The following CARMIL1 variants were observed in gnomAD, a reference collection of about 807,000 sequenced individuals.
CARMIL1 encodes the protein F-actin-uncapping protein LRRC16A.
CARMIL1 carries 90 observed loss-of-function variants against 177.1 expected under a neutral mutation model. The ratio of observed to expected loss-of-function variants is 0.51; its 90% CI spans 0.43 to 0.61. CARMIL1 has a LOEUF of 0.61. Among genes scored for constraint, CARMIL1 ranks in the 20% least tolerant of loss-of-function variants. The pLI, the probability that CARMIL1 is intolerant of heterozygous loss-of-function variation, is 0.00. For synonymous variants in CARMIL1, 577 were observed against 606.2 expected, an observed-to-expected ratio of 0.95 and a Z score of 0.71; for missense variants, 1,380 against 1,667.0, an observed-to-expected ratio of 0.83 and a Z score of 3.00.
chr6:25,604,723 T>G, intron 33 of CARMIL1, 89 bp from the exon 34 acceptor site: 1 of 1,035,754 alleles, frequency 9.7e-7, no homozygotes, highest in Non-Finnish European at 1.5e-6. Context: ...AGAGCCCTTC[T>G]TTGCTGTCAT....
At chr6:25,421,930 T>G (rs1795896562) in intron 3 of CARMIL1, among the ~76,000 whole-genome samples, 1 of 148,682 alleles carries the variant, frequency 6.7e-6, no homozygotes. Context: ...AAATGACGAG[T>G]TAATGGGTGC....
At chr6:25,573,571 C>T (rs114831877) in intron 29 of CARMIL1, among the ~76,000 whole-genome samples, 2,489 of 75,062 alleles carry the variant, frequency 0.033, 61 homozygotes, top group African/African-American at 0.095. Context: ...AATAAGAAAA[C>T]GGAGGGTTTA....
intron 2 of CARMIL1, among the ~76,000 whole-genome samples, chr6:25,292,540 C>T (rs1003015679): frequency 2.0e-5 from 3 of 152,066 alleles, no homozygotes; most frequent in African/African-American, 2.4e-5. Flanking sequence ...CCTGGGTGTG[C>T]GTTTTCAGGA....
intron 2 of CARMIL1, among the ~76,000 whole-genome samples, chr6:25,323,548 G>A (rs1011187398): frequency 5.3e-5 from 8 of 151,974 alleles, no homozygotes; most frequent in African/African-American, 1.9e-4. Context: ...GTTTGAGGCT[G>A]CCATGAGCTA....
At chr6:25,293,038 G>A (rs907651838) in intron 2 of CARMIL1, among the ~76,000 whole-genome samples, 1 of 151,854 alleles carries the variant, frequency 6.6e-6, no homozygotes, top group Non-Finnish European at 1.5e-5. Flanking sequence ...GAAAAATGTA[G>A]CTACAATCTG....
chr6:25,377,185 G>A (rs1791074315), intron 2 of CARMIL1, among the ~76,000 whole-genome samples: 1 of 152,208 alleles, frequency 6.6e-6, no homozygotes. Flanking sequence ...CCTCAGCTAT[G>A]TCGATAGTGG....
intron 2 of CARMIL1, among the ~76,000 whole-genome samples, chr6:25,347,658 G>C (rs1787658491): frequency 6.6e-6 from 1 of 152,174 alleles, no homozygotes; most frequent in Admixed American, 6.5e-5. Context: ...AGGTAGTTTA[G>C]AAAGTTCCCA....
At chr6:25,411,208 C>T (rs912717572) in intron 2 of CARMIL1, among the ~76,000 whole-genome samples, 3 of 152,052 alleles carry the variant, frequency 2.0e-5, no homozygotes, top group Non-Finnish European at 2.9e-5. Flanking sequence ...CCTGTGAGTC[C>T]CCTGCTGTCT....
intron 9 of CARMIL1, among the ~76,000 whole-genome samples, chr6:25,467,637 AC>A (rs1800736005): frequency 6.6e-6 from 1 of 152,158 alleles, no homozygotes; most frequent in Admixed American, 6.5e-5. Context: ...TAAAATATGT[AC>A]CTAATCATTT....
chr6:25,603,436 C>T (rs1815628544), intron 33 of CARMIL1, among the ~76,000 whole-genome samples: 1 of 152,336 alleles, frequency 6.6e-6, no homozygotes, highest in Non-Finnish European at 1.5e-5. Flanking sequence ...CTTCCTGCCA[C>T]TTGGGTGCTT....
intron 29 of CARMIL1, 146 bp downstream of exon 29, chr6:25,556,996 A>T: frequency 6.0e-6 from 5 of 830,518 alleles, no homozygotes. Context: ...AAAAGTCCTA[A>T]AGAGGCCGCT....
chr6:25,511,623 C>T (rs941264872), intron 20 of CARMIL1, among the ~76,000 whole-genome samples: 2 of 152,112 alleles, frequency 1.3e-5, no homozygotes, highest in African/African-American at 4.8e-5. Flanking sequence ...TGGAGTATGT[C>T]ACATTTGGAA....
intron 2 of CARMIL1, among the ~76,000 whole-genome samples, chr6:25,361,156 C>T (rs1348878546): frequency 6.6e-6 from 1 of 152,082 alleles, no homozygotes. Context: ...AAGTTTCGCT[C>T]AAATCTTGTT....
chr6:25,436,119 G>A (rs866637596), intron 5 of CARMIL1, among the ~76,000 whole-genome samples: 8 of 151,910 alleles, frequency 5.3e-5, no homozygotes, highest in South Asian at 4.1e-4. Flanking sequence ...AGTAAATTTC[G>A]TTCATCCATG....
At chr6:25,292,969 G>A (rs2150148466) in intron 2 of CARMIL1, among the ~76,000 whole-genome samples, 1 of 152,222 alleles carries the variant, frequency 6.6e-6, no homozygotes, top group South Asian at 2.1e-4. Flanking sequence ...AAAGGTTACT[G>A]TAAAAACTTT....
rs1277812968 is a variant in CARMIL1, at chr6:25,577,966, C to T, written c.2743-2958C>T. 2.0e-5 allele frequency among the ~76,000 whole-genome samples: 3 copies of T among 152,160 alleles called. No homozygotes were observed. The highest frequency in any genetic ancestry group is 4.4e-5 in the Non-Finnish European group (3 of 68,008). On this transcript the variant is annotated intron_variant, in intron 29 of 36. Transcript: ENST00000329474. This position sits in a 1 kb window ranked among gnomAD's most constrained non-coding sequence, Gnocchi z 4.5. ...AATTACATTTAAAATAAGGGTTTAA[C>T]ACCTTTTTCCTCATACTTTTTTGGG...
At chr6:25,368,628 G>A (rs963143703) in intron 2 of CARMIL1, among the ~76,000 whole-genome samples, 10 of 152,170 alleles carry the variant, frequency 6.6e-5, no homozygotes, top group Non-Finnish European at 8.8e-5. Flanking sequence ...AGACCCACCT[G>A]ATTGGCAGTT....
chr6:25,293,451 A>T (rs1206832059), intron 2 of CARMIL1, among the ~76,000 whole-genome samples: 2 of 151,766 alleles, frequency 1.3e-5, no homozygotes, highest in African/African-American at 4.8e-5. Flanking sequence ...AGTGGTTCAA[A>T]CACAGCTCAC....
At chr6:25,609,898 G>A (rs373762332) in intron 35 of CARMIL1, among the ~76,000 whole-genome samples, 152 bp from the exon 36 acceptor site, 19 of 152,288 alleles carry the variant, frequency 1.2e-4, no homozygotes, top group African/African-American at 4.3e-4. Context: ...TTACTTCACT[G>A]AGCAAAAACA....
Sources: allele counts gnomAD v4.1 joint callset (sites outside exome capture counted in the v4.1 genomes callset), GRCh38; gene constraint gnomAD v4.1.1; non-coding constraint Gnocchi (gnomAD v3.1); transcripts MANE v1.5; gene names NCBI Gene and HGNC (gene_info 2026-07-23, HGNC 2026-07-21).